ZFHX3: variants seen among roughly 807,000 people sequenced by gnomAD.
ZFHX3 encodes zinc finger homeobox 3, also known as zinc finger homeobox protein 3.
Under a neutral mutation model 279.1 loss-of-function variants are expected in ZFHX3, and 42 were observed. That is an observed-to-expected ratio of 0.15 (90% confidence interval 0.12 to 0.19). The LOEUF (loss-of-function observed/expected upper bound fraction) is 0.19. Among genes scored for constraint, ZFHX3 ranks in the 10% least tolerant of loss-of-function variants. ZFHX3 has a pLI of 1.00. For synonymous variants in ZFHX3, 2,293 were observed against 1,957.8 expected (o/e 1.17, Z -4.52); for missense variants, 4,981 against 4,754.0 (o/e 1.05, Z -1.40).
intron 1 of ZFHX3, among the ~76,000 whole-genome samples, chr16:73,717,160 GC>G (rs1231696578): frequency 5.3e-5 from 8 of 152,174 alleles, no homozygotes; most frequent in Non-Finnish European, 1.2e-4. Flanking sequence ...CTGGGCTCTA[GC>G]TTGCTGTCAC....
chr16:73,300,331 C>CCATT (rs1386583778), intron 4 of ZFHX3, among the ~76,000 whole-genome samples: 1 of 151,168 alleles, frequency 6.6e-6, no homozygotes, highest in Non-Finnish European at 1.5e-5. Flanking sequence ...TTCCATGAGG[C>CCATT]CATTATAAGG....
chr16:73,591,967 C>T (rs1483218084), intron 2 of ZFHX3, among the ~76,000 whole-genome samples: 4 of 152,030 alleles, frequency 2.6e-5, no homozygotes. Context: ...TATGGTGGCT[C>T]ATGCCTGTAA....
intron 5 of ZFHX3, among the ~76,000 whole-genome samples, chr16:72,817,661 G>A (rs1263809683): frequency 6.6e-6 from 1 of 152,164 alleles, no homozygotes; most frequent in Admixed American, 6.5e-5. Context: ...GGGAGATCCT[G>A]GGCAGGCATT....
intron 3 of ZFHX3, among the ~76,000 whole-genome samples, chr16:73,320,150 G>A (rs2015546394): frequency 6.6e-6 from 1 of 152,210 alleles, no homozygotes; most frequent in African/African-American, 2.4e-5. Flanking sequence ...CCTCAGTTCT[G>A]TGTCTCAGTC....
At chr16:73,681,948 A>T (rs1221172495) in intron 1 of ZFHX3, among the ~76,000 whole-genome samples, 2 of 152,238 alleles carry the variant, frequency 1.3e-5, no homozygotes, top group Non-Finnish European at 2.9e-5. Context: ...TATCTAATAA[A>T]TAGGGATAAT....
chr16:73,073,352 G>A (rs1965847656), intron 8 of ZFHX3, among the ~76,000 whole-genome samples: 2 of 152,278 alleles, frequency 1.3e-5, no homozygotes, highest in South Asian at 2.1e-4. Context: ...GGAAGAGGTC[G>A]GTCATAGATA....
chr16:73,358,392 G>C (rs2016380423), intron 3 of ZFHX3, among the ~76,000 whole-genome samples: 1 of 152,246 alleles, frequency 6.6e-6, no homozygotes, highest in Non-Finnish European at 1.5e-5. Flanking sequence ...AGTGGCTACT[G>C]GCGGGAAACC....
At chr16:72,955,709 T>A (rs183424591) in intron 2 of ZFHX3, among the ~76,000 whole-genome samples, 113 of 137,222 alleles carry the variant, frequency 8.2e-4, no homozygotes, top group Non-Finnish European at 1.5e-3. Flanking sequence ...ACACAGGAGG[T>A]GGATGTTGCA....
chr16:72,942,130 A>G (rs992954603), intron 3 of ZFHX3, among the ~76,000 whole-genome samples: 5 of 152,182 alleles, frequency 3.3e-5, no homozygotes, highest in Non-Finnish European at 7.3e-5. Context: ...AACCAGAAAC[A>G]CCTGTTGGGA....
intron 1 of ZFHX3, among the ~76,000 whole-genome samples, chr16:72,968,157 TCC>T (rs1423263808): frequency 6.6e-6 from 1 of 151,794 alleles, no homozygotes; most frequent in Non-Finnish European, 1.5e-5. Context: ...GAACACAACA[TCC>T]CTTCCCTGGT....
rs763718361 is a variant in ZFHX3, at chr16:72,787,171, C to T, written c.11105G>A (p.Arg3702Lys). Residue 3702 changes from arginine (R) to lysine (K), a missense_variant, in exon 10 of 10, where the codon AGA (arginine) becomes AAA (lysine). Coordinates refer to ENST00000268489, the MANE Select transcript of ZFHX3 (RefSeq NM_006885.4). ...GLTSVGTDTF[R>K]L ...ATTGTTCATCTTCAAAGCTTACAATCTGAAGGTGTCCGTTCCTACACTGGT... is the reference window on the plus strand; with the variant it reads ...ATTGTTCATCTTCAAAGCTTACAATTTGAAGGTGTCCGTTCCTACACTGGT... 1 of 1,553,034 alleles carries T rather than the reference C, an allele frequency of 6.4e-7. No individual in the cohort carries two copies. The highest frequency in any genetic ancestry group is 1.2e-5 in the South Asian group (1 of 82,350).
At chr16:73,880,931 A>G (rs1307922773) in intron 1 of ZFHX3, among the ~76,000 whole-genome samples, 2 of 152,180 alleles carry the variant, frequency 1.3e-5, no homozygotes, top group African/African-American at 4.8e-5. Context: ...AAGAGTATGA[A>G]CACATTTTTA....
intron 5 of ZFHX3, among the ~76,000 whole-genome samples, chr16:73,226,562 A>G (rs999919242): frequency 1.6e-4 from 24 of 152,230 alleles, no homozygotes; most frequent in African/African-American, 5.1e-4. Flanking sequence ...GGCCTGTCTC[A>G]TGGGATGTGA....
At chr16:72,811,502 A>G (rs2036445772) in intron 7 of ZFHX3, 75 bp downstream of exon 7, 1 of 1,364,196 alleles carries the variant, frequency 7.3e-7, no homozygotes. Flanking sequence ...CCAATAATAC[A>G]GTATCTTGCC....
At chr16:73,880,273 GGGAGAGAGGGCT>G (rs2030100807) in intron 1 of ZFHX3, among the ~76,000 whole-genome samples, 1 of 152,142 alleles carries the variant, frequency 6.6e-6, no homozygotes, top group Non-Finnish European at 1.5e-5. Flanking sequence ...GATGGGGGAT[GGGAGAGAGGGCT>G]GCGGAGCTAT....
chr16:73,491,312 T>C (rs191677643), intron 2 of ZFHX3, among the ~76,000 whole-genome samples: 2 of 152,304 alleles, frequency 1.3e-5, no homozygotes, highest in Admixed American at 1.3e-4. Context: ...AGGTGATACA[T>C]GTCACTTTCT....
intron 4 of ZFHX3, among the ~76,000 whole-genome samples, chr16:73,280,649 G>T (rs1229623562): frequency 1.3e-5 from 2 of 152,010 alleles, no homozygotes; most frequent in African/African-American, 4.8e-5. Context: ...GTATATTACT[G>T]GTGGGACTGT....
chr16:73,403,656 G>A (rs1717940442), intron 3 of ZFHX3, among the ~76,000 whole-genome samples: 1 of 152,196 alleles, frequency 6.6e-6, no homozygotes, highest in South Asian at 2.1e-4. Context: ...AACTAAGAAA[G>A]GGTCTGAACT....
chr16:72,829,100 G>T (rs999127578), intron 5 of ZFHX3, among the ~76,000 whole-genome samples: 1 of 151,866 alleles, frequency 6.6e-6, no homozygotes, highest in Non-Finnish European at 1.5e-5. Flanking sequence ...CCAGTTGAGG[G>T]TTCAAGTGGT....
Sources: allele counts gnomAD v4.1 joint callset (sites outside exome capture counted in the v4.1 genomes callset), GRCh38; gene constraint gnomAD v4.1.1; transcripts MANE v1.5; gene names NCBI Gene and HGNC (gene_info 2026-07-23, HGNC 2026-07-21).